Variants in TXNL1 observed in about 807,000 individuals in gnomAD.
The protein encoded by TXNL1 is thioredoxin-like protein 1.
Under a neutral mutation model 35.5 loss-of-function variants are expected in TXNL1, and 14 were observed. The observed-to-expected ratio is 0.39, with a 90% confidence interval of 0.26 to 0.62. The LOEUF (loss-of-function observed/expected upper bound fraction) is 0.62, where lower values mean the gene tolerates loss of function less well. TXNL1 is among the 20% of genes least tolerant of loss of function. TXNL1 has a pLI of 0.47. For missense variants in TXNL1, 263 were observed against 349.7 expected (o/e 0.75, Z 1.98); for synonymous variants, 110 against 115.5 (o/e 0.95, Z 0.31).
rs146779012 is a variant in TXNL1, at chr18:56,631,876, C to T, written c.99-5419G>A. 9.0e-3 allele frequency among the ~76,000 whole-genome samples: 1,346 copies of T among 149,992 alleles called. 15 individuals are homozygous for T. Among genetic ancestry groups the T allele is most frequent in the South Asian group, 0.012 (59 of 4,760 alleles). ...CAGAGGTCACAGTGAGACGAGATTG[C>T]GCCATTGAACTCTAGCCTAGGCAAA... On this transcript the variant is annotated intron_variant, in intron 1 of 7. Coordinates refer to ENST00000217515, the MANE Select transcript of TXNL1 (RefSeq NM_004786.3).
intron 6 of TXNL1, among the ~76,000 whole-genome samples, chr18:56,613,686 T>A (rs2024033726): frequency 6.6e-6 from 1 of 152,016 alleles, no homozygotes; most frequent in South Asian, 2.1e-4. Context: ...AGGTGGCACG[T>A]GCCTGCGGTT....
chr18:56,619,031 G>A (rs1270036472), intron 3 of TXNL1, among the ~76,000 whole-genome samples: 2 of 151,756 alleles, frequency 1.3e-5, no homozygotes, highest in African/African-American at 4.8e-5. Flanking sequence ...GCAACATAGT[G>A]AGACTTTGTC....
At chr18:56,622,097 T>TTAAAATTAAATTAATTAAAATTAGA (rs1347594643) in intron 3 of TXNL1, among the ~76,000 whole-genome samples, 2 of 151,856 alleles carry the variant, frequency 1.3e-5, no homozygotes, top group East Asian at 3.8e-4. Context: ...ATGTGGCAAT[T>TTAAAATTAAATTAATTAAAATTAGA]TAAAATTAAA....
chr18:56,606,068 AAT>A (rs1325924739), intron 7 of TXNL1, among the ~76,000 whole-genome samples: 3 of 152,174 alleles, frequency 2.0e-5, no homozygotes, highest in African/African-American at 7.2e-5. Context: ...ATATATGCCA[AAT>A]CTATTTCAAA....
chr18:56,626,055 T>A (rs906942929), intron 2 of TXNL1: 4 of 413,300 alleles, frequency 9.7e-6, no homozygotes, highest in African/African-American at 8.4e-5. Context: ...GGGTAGAAGA[T>A]ATAATTCTAG....
intron 1 of TXNL1, among the ~76,000 whole-genome samples, chr18:56,634,034 G>T (rs1241087780): frequency 6.6e-6 from 1 of 150,854 alleles, no homozygotes; most frequent in African/African-American, 2.4e-5. Flanking sequence ...TAATGGTGGG[G>T]AGGGGGGAGA....
At chr18:56,603,581 G>C (rs944718518) in intron 7 of TXNL1, among the ~76,000 whole-genome samples, 1 of 151,926 alleles carries the variant, frequency 6.6e-6, no homozygotes, top group Admixed American at 6.6e-5. Context: ...TACTTTAAGA[G>C]TACTATTAAA....
intron 2 of TXNL1, among the ~76,000 whole-genome samples, chr18:56,625,970 A>G (rs2024271625): frequency 2.0e-5 from 3 of 152,220 alleles, no homozygotes; most frequent in African/African-American, 7.2e-5. Flanking sequence ...CCATTTGGAG[A>G]TAAGATAACA....
At chr18:56,603,745 T>G (rs2023844735) in intron 7 of TXNL1, among the ~76,000 whole-genome samples, 1 of 152,178 alleles carries the variant, frequency 6.6e-6, no homozygotes, top group Non-Finnish European at 1.5e-5. Context: ...ACAAATTCTC[T>G]GCAGGAGAGT....
chr18:56,629,090 G>A (rs655522), intron 1 of TXNL1, among the ~76,000 whole-genome samples: 1 of 152,102 alleles, frequency 6.6e-6, no homozygotes, highest in African/African-American at 2.4e-5. Flanking sequence ...CCCAATAATT[G>A]CCCTTTTGAA....
At chr18:56,637,375 C>T (rs1303385907) in intron 1 of TXNL1, among the ~76,000 whole-genome samples, 3 of 152,060 alleles carry the variant, frequency 2.0e-5, no homozygotes, top group Non-Finnish European at 4.4e-5. Flanking sequence ...ATAAATAACG[C>T]CAAGGGGTCA....
At chr18:56,614,202 A>T (rs1042568594) in intron 6 of TXNL1, among the ~76,000 whole-genome samples, 3 of 152,196 alleles carry the variant, frequency 2.0e-5, no homozygotes, top group Non-Finnish European at 4.4e-5. Flanking sequence ...ATACATATAA[A>T]ATAACTGACA....
At chr18:56,616,440 C>T (rs986536427) in intron 4 of TXNL1, 126 bp from the exon 5 acceptor site, 57 of 754,548 alleles carry the variant, frequency 7.6e-5, no homozygotes, top group Admixed American at 4.4e-4. Context: ...ACAAAACCAA[C>T]GTAATATGAA....
intron 1 of TXNL1, among the ~76,000 whole-genome samples, chr18:56,633,786 C>T (rs1306971823): frequency 6.6e-6 from 1 of 151,618 alleles, no homozygotes; most frequent in African/African-American, 2.4e-5. Context: ...GAGTTCGAGA[C>T]CAGCCTGACC....
intron 5 of TXNL1, among the ~76,000 whole-genome samples, chr18:56,615,007 T>G (rs1200795237): frequency 6.6e-6 from 1 of 152,226 alleles, no homozygotes; most frequent in Non-Finnish European, 1.5e-5. Context: ...GCATTTGAGC[T>G]AGATCTTATA....
intron 1 of TXNL1, among the ~76,000 whole-genome samples, chr18:56,626,819 T>TTTTTTTTTTG (rs2024291267): frequency 7.3e-6 from 1 of 136,904 alleles, no homozygotes; most frequent in Admixed American, 7.5e-5. Flanking sequence ...TTTTTTTTTT[T>TTTTTTTTTTG]TTGGAGACAA....
At chr18:56,626,185 CTCT>C (rs1180818586) in intron 2 of TXNL1, 173 bp downstream of exon 2, 20 of 1,334,696 alleles carry the variant, frequency 1.5e-5, no homozygotes, top group African/African-American at 5.9e-5. Flanking sequence ...TAATGTGCTA[CTCT>C]TCTTAACTAA....
intron 2 of TXNL1, among the ~76,000 whole-genome samples, chr18:56,625,253 A>G (rs1397864467): frequency 6.6e-6 from 1 of 152,156 alleles, no homozygotes; most frequent in African/African-American, 2.4e-5. Context: ...GTGCTGCCCA[A>G]AACAATGGAT....
In TXNL1 at chr18:56,633,397, A is replaced by C. The variant is rs569699229; in HGVS notation, c.98+4946T>G. ...GGGAGGTGGAGCTTGCAGTGAGCTG[A>C]GATTGTGCCACTGCACTCCAGCCTA... On this transcript the variant is annotated intron_variant, in intron 1 of 7. Transcript: ENST00000217515. 1.1e-4 allele frequency among the ~76,000 whole-genome samples: 16 copies of C among 144,320 alleles called. 1 individual carries two copies. In the South Asian group the frequency reaches 3.3e-3, roughly 30 times the overall value. The allele number at this position is 144,320 out of a possible 152,430, so 94.7% of individuals were successfully genotyped here. A position where few individuals can be genotyped will look rare whatever the true frequency, so the allele number is the denominator to read the frequency against.
Sources: allele counts gnomAD v4.1 joint callset (sites outside exome capture counted in the v4.1 genomes callset), GRCh38; gene constraint gnomAD v4.1.1; transcripts MANE v1.5; gene names NCBI Gene and HGNC (gene_info 2026-07-23, HGNC 2026-07-21).